The following CTNNAL1 variants were observed in gnomAD, a reference collection of about 807,000 sequenced individuals.
The protein encoded by CTNNAL1 is alpha-catulin.
In CTNNAL1, 69 loss-of-function variants were observed where a neutral mutation model predicts 93.6. That is an observed-to-expected ratio of 0.74 (90% CI 0.61 to 0.90). The LOEUF (loss-of-function observed/expected upper bound fraction) is 0.90. Ranked by LOEUF, CTNNAL1 falls within the 40% of genes least tolerant of loss-of-function variation. The pLI is 0.00. For synonymous variants in CTNNAL1, 286 were observed against 305.4 expected (o/e 0.94, Z 0.66); for missense variants, 836 against 862.0 (o/e 0.97, Z 0.38).
At chr9:108,985,007 G>A (rs1831563230) in intron 4 of CTNNAL1, among the ~76,000 whole-genome samples, 1 of 152,292 alleles carries the variant, frequency 6.6e-6, no homozygotes, top group African/African-American at 2.4e-5. Flanking sequence ...AGATTGAAAA[G>A]GAACACCTAA....
intron 6 of CTNNAL1, 97 bp downstream of exon 6, chr9:108,983,048 A>T: frequency 2.7e-6 from 3 of 1,120,652 alleles, no homozygotes; most frequent in Non-Finnish European, 3.4e-6. Flanking sequence ...ACTGCACTCC[A>T]GCCTGGGCAA....
Position 108,972,704 on chromosome 9 carries a change from G to C in CTNNAL1, c.1318C>G (p.Leu440Val), listed in dbSNP as rs774331268. ...LEALAEYACK[L>V]SEQKEQLVET... ...ACAAGCTGCTCTTTCTGTTCAGAGA[G>C]TTTACAGGCATATTCAGCCAAAGCT... Residue 440 changes from leucine to valine, a missense_variant, in exon 9 of 19, where the codon CTC becomes GTC. By Grantham distance (32) the Leu-to-Val change is conservative (BLOSUM62 1). Coordinates refer to ENST00000325551, the MANE Select transcript of CTNNAL1 (RefSeq NM_003798.4). The C allele has an allele frequency of 1.9e-6, 3 of 1,613,840 alleles. No homozygotes were observed. In the South Asian group the frequency reaches 3.3e-5, roughly 18 times the overall value.
intron 1 of CTNNAL1, among the ~76,000 whole-genome samples, chr9:109,008,383 G>A (rs1197747473): frequency 6.6e-6 from 1 of 152,020 alleles, no homozygotes; most frequent in Non-Finnish European, 1.5e-5. Context: ...CCGACCTCAG[G>A]TGATCCACCC....
chr9:109,008,325 T>C lies in CTNNAL1; in HGVS notation c.141+4977A>G, dbSNP rs114043266. Among the ~76,000 whole-genome samples the C allele has an allele frequency of 9.5e-3, 1,441 of 151,968 alleles. 28 individuals are homozygous for C. Among genetic ancestry groups the C allele is most frequent in the African/African-American group, 0.034 (1,390 of 41,442 alleles). ...GGCATGCACCACCACGCCAGCTAACTTTTGTATTTTTAGTAGAGACGGGGT... is the reference window on the plus strand; with the variant it reads ...GGCATGCACCACCACGCCAGCTAACCTTTGTATTTTTAGTAGAGACGGGGT... On this transcript the variant is annotated intron_variant, in intron 1 of 18. Coordinates refer to ENST00000325551, the MANE Select transcript of CTNNAL1 (RefSeq NM_003798.4).
At chr9:108,952,111 T>C (rs1484910379) in intron 14 of CTNNAL1, 98 bp downstream of exon 14, 1 of 1,023,636 alleles carries the variant, frequency 9.8e-7, no homozygotes, top group Non-Finnish European at 1.4e-6. Flanking sequence ...ATATATTTGA[T>C]ACCGACTTTA....
chr9:108,980,735 G>T (rs1831403326), intron 6 of CTNNAL1, among the ~76,000 whole-genome samples: 1 of 152,134 alleles, frequency 6.6e-6, no homozygotes, highest in Non-Finnish European at 1.5e-5. Context: ...TAATTTAAGA[G>T]AATTAAATTT....
chr9:108,975,765 C>T (rs1476721672), intron 8 of CTNNAL1, among the ~76,000 whole-genome samples: 2 of 152,100 alleles, frequency 1.3e-5, no homozygotes, highest in Non-Finnish European at 2.9e-5. Context: ...TGTGACTATC[C>T]AACTCTGCTG....
rs1291015818 is a variant in CTNNAL1 at position 108,950,533 on chromosome 9, A to C, written c.1835+1676T>G. 7.1e-6 allele frequency: 11 copies of C among 1,550,328 alleles called. No homozygotes were observed. In the Admixed American group the frequency reaches 2.2e-4, roughly 30 times the overall value. Reference sequence around the variant, plus strand: ...GAATTATCTATCTAGAAAAGGTAGAAGACGTCATCAAGAGGAAAATGATGC... The same window carrying C: ...GAATTATCTATCTAGAAAAGGTAGACGACGTCATCAAGAGGAAAATGATGC... On this transcript the variant is annotated intron_variant, in intron 14 of 18. Transcript: ENST00000325551.
Position 108,999,200 on chromosome 9 carries a change from T to C in CTNNAL1, c.198A>G (p.Gln66=), listed in dbSNP as rs1832135098. 1 of 1,612,474 alleles carries C rather than the reference T, an allele frequency of 6.2e-7. No homozygotes were observed. Among genetic ancestry groups the C allele is most frequent in the Non-Finnish European group, 8.5e-7 (1 of 1,179,426 alleles). ...CAGCTTGTCCTACACGCTGAATTGC[T>C]TGCAGAGTTTTATCAGACTTTTTGG... ...DNTKKSDKTL[Q]AIQRVGQAVN... is the part of the protein sequence containing the mutation. The change falls in exon 2 of 19, where the codon CAA becomes CAG. Residue 66 remains glutamine, a synonymous_variant. Transcript: ENST00000325551.
chr9:108,950,934 C>A (rs1384528074), intron 14 of CTNNAL1, among the ~76,000 whole-genome samples: 1 of 152,084 alleles, frequency 6.6e-6, no homozygotes, highest in Non-Finnish European at 1.5e-5. Flanking sequence ...ATAAATGTTA[C>A]CAGCTCCCAT....
At chr9:108,943,880 A>G in intron 16 of CTNNAL1, 64 bp from the exon 17 acceptor site, 1 of 1,597,712 alleles carries the variant, frequency 6.3e-7, no homozygotes, top group Non-Finnish European at 8.6e-7. Flanking sequence ...TACCTTAAAC[A>G]CATTTATACA....
At chr9:109,004,964 G>C (rs916002795) in intron 1 of CTNNAL1, among the ~76,000 whole-genome samples, 2 of 152,084 alleles carry the variant, frequency 1.3e-5, no homozygotes, top group African/African-American at 4.8e-5. Context: ...GAGTAAAATT[G>C]CATACTTGGC....
At chr9:108,991,911 A>C in intron 3 of CTNNAL1, 1 of 627,548 alleles carries the variant, frequency 1.6e-6, no homozygotes. Flanking sequence ...CCATCATCTG[A>C]GAGATTAACT....
chr9:108,945,620 C>A (rs1830377809), intron 15 of CTNNAL1, among the ~76,000 whole-genome samples: 1 of 121,608 alleles, frequency 8.2e-6, no homozygotes, highest in African/African-American at 2.9e-5. Flanking sequence ...TGCCACCATG[C>A]CCCGCTAGTT....
At chr9:108,972,864 G>GGGGGGGGCCCCCC in intron 8 of CTNNAL1, 31 bp from the exon 9 acceptor site, 87 of 141,970 alleles carry the variant, frequency 6.1e-4, no homozygotes, top group Non-Finnish European at 8.2e-4. Flanking sequence ...GGGGGGGTGG[G>GGGGGGGGCCCCCC]AGGGTGGAGA....
Position 108,943,125 on chromosome 9 carries a change from T to C in CTNNAL1, c.2056-81A>G, listed in dbSNP as rs1830293529. On this transcript the variant is annotated intron_variant, in intron 17 of 18. Transcript: ENST00000325551. The stretch of plus-strand genomic sequence containing the variant: ...TACCATTTATTTAGTTTTAACATGA[T>C]AAAATTTCTCCATATGGAAATCTAA... The C allele has an allele frequency of 6.3e-6, 8 of 1,276,004 alleles. No homozygotes were observed. The South Asian group carries it at 1.2e-4, about 18-fold the overall frequency. The allele number at this position is 1,276,004 out of a possible 1,614,324, so 79.0% of individuals were successfully genotyped here. A position where few individuals can be genotyped will look rare whatever the true frequency, so the allele number is the denominator to read the frequency against.
intron 14 of CTNNAL1, 145 bp from the exon 15 acceptor site, chr9:108,948,379 T>G (rs1340722332): frequency 1.6e-5 from 10 of 642,080 alleles, no homozygotes; most frequent in Non-Finnish European, 2.4e-5. Context: ...TATTGTAACT[T>G]TATGCTTAAA....
chr9:108,989,787 C>T (rs1391043254), intron 4 of CTNNAL1, among the ~76,000 whole-genome samples: 2 of 152,168 alleles, frequency 1.3e-5, no homozygotes, highest in Admixed American at 1.3e-4. Flanking sequence ...CGGTGATTCA[C>T]GCCTGTAATC....
chr9:109,009,051 C>T (rs1827129692), intron 1 of CTNNAL1, among the ~76,000 whole-genome samples: 1 of 151,510 alleles, frequency 6.6e-6, no homozygotes, highest in Non-Finnish European at 1.5e-5. Context: ...CATGCCATCA[C>T]ACCCGACTAA....
Sources: gnomAD v4.1 joint callset for allele counts (sites outside exome capture counted in the v4.1 genomes callset) on GRCh38, gnomAD v4.1.1 for gene constraint, MANE v1.5 for transcripts, NCBI Gene and HGNC (gene_info 2026-07-23, HGNC 2026-07-21) for gene names.